The following NKAIN2 variants were observed in gnomAD, a reference collection of about 807,000 sequenced individuals.
NKAIN2 encodes sodium/potassium transporting ATPase interacting 2, also known as sodium/potassium-transporting ATPase subunit beta-1-interacting protein 2.
NKAIN2 carries 14 observed loss-of-function variants against 32.6 expected under a neutral mutation model. The ratio of observed to expected loss-of-function variants is 0.43; its 90% CI spans 0.28 to 0.67. NKAIN2 has a LOEUF of 0.67. Among genes scored for constraint, NKAIN2 ranks in the 30% least tolerant of loss-of-function variants. NKAIN2 has a pLI of 0.17. For synonymous variants in NKAIN2, 80 were observed against 87.2 expected (o/e 0.92, Z 0.46); for missense variants, 198 against 258.3 (o/e 0.77, Z 1.60).
intron 3 of NKAIN2, among the ~76,000 whole-genome samples, chr6:124,620,985 C>T (rs950338770): frequency 1.3e-5 from 2 of 152,168 alleles, no homozygotes; most frequent in Non-Finnish European, 2.9e-5. Context: ...TTTTTTCTCT[C>T]TCACTCACTA....
intron 5 of NKAIN2, among the ~76,000 whole-genome samples, chr6:124,809,086 C>A (rs1780748332): frequency 6.6e-6 from 1 of 152,096 alleles, no homozygotes; most frequent in Non-Finnish European, 1.5e-5. Flanking sequence ...CAATGCCATC[C>A]CCATCAAGCT....
At chr6:124,022,159 C>T (rs934540247) in intron 1 of NKAIN2, among the ~76,000 whole-genome samples, 2 of 151,692 alleles carry the variant, frequency 1.3e-5, no homozygotes, top group African/African-American at 4.8e-5. Flanking sequence ...GTTTTCTGTC[C>T]TTGAGATAGT....
intron 5 of NKAIN2, among the ~76,000 whole-genome samples, chr6:124,808,880 C>A (rs376005287): frequency 1.3e-5 from 2 of 152,138 alleles, no homozygotes; most frequent in South Asian, 2.1e-4. Context: ...CTCCCATTCA[C>A]AATTGCTTCA....
In NKAIN2 at chr6:124,171,943, A is replaced by G. The variant is rs149309805; in HGVS notation, c.55-111062A>G. ...CTCACTTGCCTCAGCCTCCCAAGCA[A>G]CTGGTACTACAGGCACATGCTGCCA... On this transcript the variant is annotated intron_variant, in intron 1 of 6. Transcript: ENST00000368417. Among the ~76,000 whole-genome samples, 964 of 150,034 alleles carry G rather than the reference A, an allele frequency of 6.4e-3. 40 individuals carry two copies. The highest frequency in any genetic ancestry group is 0.059 in the Admixed American group (879 of 14,976).
intron 1 of NKAIN2, among the ~76,000 whole-genome samples, chr6:124,221,567 A>AG (rs1335072433): frequency 6.6e-6 from 1 of 152,074 alleles, no homozygotes; most frequent in South Asian, 2.1e-4. Context: ...AATAAGAGAG[A>AG]GAAAAAAAAG....
At position 124,488,643 on chromosome 6, in the gene NKAIN2, T is replaced by C. The variant is rs560457540; in HGVS notation, c.273+133296T>C. On this transcript the variant is annotated intron_variant, in intron 3 of 6. Transcript: ENST00000368417. The stretch of plus-strand genomic sequence containing the variant: ...TCAAATAAGCATATCTATATGCCAT[T>C]TGATTTGCTTCCAATCTCATGTTGA... Among the ~76,000 whole-genome samples the C allele has an allele frequency of 5.3e-5, 8 of 152,140 alleles. No homozygotes were observed. The South Asian group carries it at 1.7e-3, about 32-fold the overall frequency.
In NKAIN2 at chr6:124,183,883, C is replaced by T. The variant is rs769660650; in HGVS notation, c.55-99122C>T. ...TTACAGAAGATGATTTTTTAAAATGCGTTTTTGATTATCATGTAGAACTAC... is the reference window on the plus strand; with the variant it reads ...TTACAGAAGATGATTTTTTAAAATGTGTTTTTGATTATCATGTAGAACTAC... On this transcript the variant is annotated intron_variant, in intron 1 of 6. Coordinates refer to ENST00000368417, the MANE Select transcript of NKAIN2 (RefSeq NM_001040214.3). Among the ~76,000 whole-genome samples the T allele has an allele frequency of 1.1e-4, 17 of 152,100 alleles. No individual in the cohort carries two copies. In the East Asian group the frequency reaches 1.4e-3, roughly 12 times the overall value.
intron 1 of NKAIN2, among the ~76,000 whole-genome samples, chr6:124,177,846 G>C (rs59988413): frequency 4.3e-4 from 1 of 2,352 alleles, no homozygotes; most frequent in Non-Finnish European, 1.2e-3. Flanking sequence ...TGCAGTGGCG[G>C]GATCTCGGCT....
intron 1 of NKAIN2, among the ~76,000 whole-genome samples, chr6:124,155,382 G>T (rs925466445): frequency 3.9e-5 from 6 of 151,912 alleles, no homozygotes; most frequent in African/African-American, 1.5e-4. Context: ...TCTGATCGCT[G>T]TACATCATAT....
At chr6:124,453,375 G>C (rs1776194598) in intron 3 of NKAIN2, among the ~76,000 whole-genome samples, 1 of 102,384 alleles carries the variant, frequency 9.8e-6, no homozygotes, top group Non-Finnish European at 1.9e-5. Context: ...ACACAGTTCT[G>C]AGGTCAATCA....
At chr6:124,033,960 G>T (rs1395454223) in intron 1 of NKAIN2, among the ~76,000 whole-genome samples, 2 of 151,946 alleles carry the variant, frequency 1.3e-5, no homozygotes, top group Non-Finnish European at 2.9e-5. Flanking sequence ...GAGAGTACAT[G>T]TTCACAATTA....
At chr6:123,999,439 G>A (rs887987657) in intron 1 of NKAIN2, among the ~76,000 whole-genome samples, 3 of 152,050 alleles carry the variant, frequency 2.0e-5, no homozygotes, top group Admixed American at 6.6e-5. Context: ...TATTGCTAAT[G>A]TTTATTGCCA....
intron 5 of NKAIN2, among the ~76,000 whole-genome samples, chr6:124,809,937 T>G (rs370477881): frequency 6.6e-6 from 1 of 151,984 alleles, no homozygotes; most frequent in Admixed American, 6.6e-5. Flanking sequence ...CAATGAGATA[T>G]CATCTCACAC....
intron 3 of NKAIN2, among the ~76,000 whole-genome samples, chr6:124,568,134 C>A (rs1009571489): frequency 6.6e-6 from 1 of 152,198 alleles, no homozygotes; most frequent in Non-Finnish European, 1.5e-5. Flanking sequence ...CCAAAGCAAG[C>A]CAAGTGGCTG....
chr6:124,175,870 A>G (rs1789130929), intron 1 of NKAIN2, among the ~76,000 whole-genome samples: 1 of 151,810 alleles, frequency 6.6e-6, no homozygotes, highest in Admixed American at 6.6e-5. Context: ...CTTGCCCTTT[A>G]TTTCTCTCTT....
chr6:124,077,068 C>T (rs1783728759), intron 1 of NKAIN2, among the ~76,000 whole-genome samples: 1 of 152,116 alleles, frequency 6.6e-6, no homozygotes, highest in Non-Finnish European at 1.5e-5. Context: ...ACAGTAGTTA[C>T]CATCTGCCAT....
chr6:124,715,004 T>G (rs966759697), intron 4 of NKAIN2, among the ~76,000 whole-genome samples: 1 of 152,180 alleles, frequency 6.6e-6, no homozygotes, highest in Non-Finnish European at 1.5e-5. Context: ...CAGAGAGTGC[T>G]GAGCACCCGG....
intron 3 of NKAIN2, among the ~76,000 whole-genome samples, chr6:124,609,372 C>A (rs1583513819): frequency 6.6e-6 from 1 of 152,012 alleles, no homozygotes; most frequent in Non-Finnish European, 1.5e-5. Flanking sequence ...TCATCACTCA[C>A]CCTGGAATTG....
intron 1 of NKAIN2, among the ~76,000 whole-genome samples, chr6:124,225,679 AAC>A (rs1423876100): frequency 6.6e-6 from 1 of 152,008 alleles, no homozygotes; most frequent in Non-Finnish European, 1.5e-5. Flanking sequence ...AAATATGAGA[AAC>A]ACTTATTTTT....
Sources: gnomAD v4.1 joint callset for allele counts (sites outside exome capture counted in the v4.1 genomes callset) on GRCh38, gnomAD v4.1.1 for gene constraint, MANE v1.5 for transcripts, NCBI Gene and HGNC (gene_info 2026-07-23, HGNC 2026-07-21) for gene names.